ABCB5: variants seen among roughly 807,000 people sequenced by gnomAD.
ABCB5 encodes the protein ATP binding cassette subfamily B member 5.
A neutral mutation model predicts 144.2 loss-of-function variants in ABCB5; 155 were observed. The ratio of observed to expected loss-of-function variants is 1.08; its 90% CI spans 0.94 to 1.23. The LOEUF is 1.23. Ranked by LOEUF, ABCB5 falls within the 50% of genes most tolerant of loss-of-function variation. The pLI, the probability that ABCB5 is intolerant of heterozygous loss-of-function variation, is 0.00. For missense variants in ABCB5, 1,830 were observed against 1,520.8 expected (o/e 1.20, Z -3.38); for synonymous variants, 610 against 528.6 (o/e 1.15, Z -2.11).
At chr7:20,681,356 A>T (rs535232181) in intron 14 of ABCB5, 149 bp from the exon 15 acceptor site, 48 of 710,240 alleles carry the variant, frequency 6.8e-5, no homozygotes, top group Admixed American at 6.2e-4. Context: ...CTAACTCGTG[A>T]CCTCAGGTGA....
At chr7:20,676,167 T>TACACACACACACAC (rs60855145) in intron 14 of ABCB5, among the ~76,000 whole-genome samples, 1 of 124,522 alleles carries the variant, frequency 8.0e-6, no homozygotes, top group Non-Finnish European at 1.7e-5. Flanking sequence ...CTACTACACA[T>TACACACACACACAC]ACACACACAC....
Position 20,699,246 on chromosome 7 carries a change from GATA to G in ABCB5, c.2155-572_2155-570del, listed in dbSNP as rs374328171. ...GGTGGTTTCTTGGGAAATATACTGT[GATA>G]ATAATAGCAGATAGATGACTCATTA... On this transcript the variant is annotated intron_variant, in intron 17 of 27. Coordinates refer to ENST00000404938, the MANE Select transcript of ABCB5 (RefSeq NM_001163941.2). 3.3e-4 allele frequency among the ~76,000 whole-genome samples: 50 copies of G among 152,176 alleles called. 1 individual carries two copies. In the East Asian group the frequency reaches 6.6e-3, roughly 20 times the overall value.
At chr7:20,653,175 C>T (rs1284105630) in intron 13 of ABCB5, among the ~76,000 whole-genome samples, 2 of 152,158 alleles carry the variant, frequency 1.3e-5, no homozygotes, top group African/African-American at 4.8e-5. Context: ...AAATCATACC[C>T]TGTAAGTTAC....
chr7:20,621,646 A>G (rs554295289), intron 1 of ABCB5, among the ~76,000 whole-genome samples: 30 of 152,138 alleles, frequency 2.0e-4, no homozygotes, highest in Non-Finnish European at 3.5e-4. Context: ...ATGATCTAAT[A>G]GGGTAACTAG....
intron 14 of ABCB5, among the ~76,000 whole-genome samples, chr7:20,664,942 A>AT (rs1394451789): frequency 6.6e-6 from 1 of 152,198 alleles, no homozygotes; most frequent in East Asian, 1.9e-4. Flanking sequence ...TAATAAAATG[A>AT]TTTTTTAAAA....
At chr7:20,695,901 A>G (rs1168874224) in intron 16 of ABCB5, among the ~76,000 whole-genome samples, 1 of 152,022 alleles carries the variant, frequency 6.6e-6, no homozygotes, top group Non-Finnish European at 1.5e-5. Context: ...GGTTAAATCT[A>G]AAGAGACTGA....
At position 20,738,987 on chromosome 7, in the gene ABCB5, T is replaced by C. The variant is rs1782475587; in HGVS notation, c.2872T>C (p.Phe958Leu). 2 of 1,594,864 alleles carry C rather than the reference T, an allele frequency of 1.3e-6. No individual in the cohort carries two copies. Among genetic ancestry groups the C allele is most frequent in the Non-Finnish European group, 1.7e-6 (2 of 1,171,640 alleles). Reference protein sequence around the residue: ...RMTPEGMFIVFTAIAYGAMAI... With the variant: ...RMTPEGMFIVLTAIAYGAMAI... ...AAATGCTTTATCTTTTGATAGAGTT[T>C]TTACTGCAATTGCATATGGAGCTAT... Residue 958 changes from phenylalanine to leucine, a missense_variant, in exon 24 of 28, where the codon TTT becomes CTT. Coordinates refer to ENST00000404938, the MANE Select transcript of ABCB5 (RefSeq NM_001163941.2).
chr7:20,640,213 T>C (rs193106033), intron 5 of ABCB5, among the ~76,000 whole-genome samples: 17 of 152,328 alleles, frequency 1.1e-4, no homozygotes, highest in Admixed American at 5.9e-4. Flanking sequence ...TGATAGTTAA[T>C]GTTCTATTAA....
chr7:20,732,283 C>T (rs911863147), intron 23 of ABCB5, among the ~76,000 whole-genome samples: 1 of 152,218 alleles, frequency 6.6e-6, no homozygotes, highest in African/African-American at 2.4e-5. Context: ...CTCAGAGGGA[C>T]TTTCACCGAT....
In ABCB5 at chr7:20,658,620, G is replaced by GCTA. The variant is rs1213712887; in HGVS notation, c.1653_1655dup (p.Thr552dup). On this transcript the variant is annotated inframe_insertion, in exon 14 of 28. Transcript: ENST00000404938. Reference sequence around the variant, plus strand: ...CCCCAAGATTCTGATTTTAGATGAGGCTACGTCTGCCCTGGATTCAGAAAG... The same window carrying GCTA: ...CCCCAAGATTCTGATTTTAGATGAGGCTACTACGTCTGCCCTGGATTCAGAAAG... 6.2e-7 allele frequency: 1 copy of GCTA among 1,614,012 alleles called. No homozygotes were observed. Among genetic ancestry groups the GCTA allele is most frequent in the Non-Finnish European group, 8.5e-7 (1 of 1,180,022 alleles).
chr7:20,636,541 T>G (rs889352455), intron 5 of ABCB5, among the ~76,000 whole-genome samples: 1 of 151,966 alleles, frequency 6.6e-6, no homozygotes, highest in Non-Finnish European at 1.5e-5. Context: ...TCCCAACATT[T>G]TAGGAGGCTG....
At chr7:20,696,225 T>C (rs1412622581) in intron 16 of ABCB5, among the ~76,000 whole-genome samples, 1 of 152,226 alleles carries the variant, frequency 6.6e-6, no homozygotes, top group African/African-American at 2.4e-5. Context: ...TGAAATGCTA[T>C]GCAGCAATAA....
At position 20,645,807 on chromosome 7, in the gene ABCB5, G is replaced by T. The variant is rs1284482457; in HGVS notation, c.730G>T (p.Ala244Ser). ...KELSAYSKAG[A>S]VAEEVLSSIR... ...ATTAAGTGCCTATTCCAAAGCTGGGGCTGTGGCAGAAGAAGTCTTGTCATC... is the reference window on the plus strand; with the variant it reads ...ATTAAGTGCCTATTCCAAAGCTGGGTCTGTGGCAGAAGAAGTCTTGTCATC... The change falls in exon 8 of 28, where the codon GCT becomes TCT. Residue 244 changes from alanine to serine, a missense_variant. By Grantham distance (99) the Ala-to-Ser change is moderately conservative (BLOSUM62 1). Coordinates refer to ENST00000404938, the MANE Select transcript of ABCB5 (RefSeq NM_001163941.2). The T allele has an allele frequency of 6.2e-7, 1 of 1,613,724 alleles. No individual in the cohort carries two copies.
rs1040435281 is a variant in ABCB5 at position 20,709,761 on chromosome 7, A to G, written c.2421+4954A>G. Among the ~76,000 whole-genome samples, 4 of 149,804 alleles carry G rather than the reference A, an allele frequency of 2.7e-5. 1 individual carries two copies. The highest frequency in any genetic ancestry group is 5.9e-5 in the Non-Finnish European group (4 of 67,322). ...ACTATAACCTAAGACAGCCTAAACAATAGGTAAACATGACAGTCAGCCAGT... is the reference window on the plus strand; with the variant it reads ...ACTATAACCTAAGACAGCCTAAACAGTAGGTAAACATGACAGTCAGCCAGT... On this transcript the variant is annotated intron_variant, in intron 20 of 27. Transcript: ENST00000404938.
chr7:20,698,243 T>C (rs142149770), intron 16 of ABCB5, among the ~76,000 whole-genome samples, 164 bp from the exon 17 acceptor site: 27 of 152,326 alleles, frequency 1.8e-4, no homozygotes, highest in African/African-American at 5.3e-4. Context: ...TTTAGGGTCA[T>C]CGTTAATAAT....
At chr7:20,709,587 G>A (rs1786943270) in intron 20 of ABCB5, among the ~76,000 whole-genome samples, 2 of 149,782 alleles carry the variant, frequency 1.3e-5, no homozygotes, top group Admixed American at 6.7e-5. Flanking sequence ...GTATGCAATG[G>A]TATTTTTAAA....
intron 26 of ABCB5, among the ~76,000 whole-genome samples, chr7:20,751,567 G>A (rs4721946): frequency 0.37 from 56,196 of 152,110 alleles, 10,770 homozygotes; most frequent in African/African-American, 0.46. Flanking sequence ...GAAGGCCAAA[G>A]ACTGCAAAGT....
rs761412272 is a variant in ABCB5, at chr7:20,643,169, A to G, written c.315-15A>G. 8 of 1,592,198 alleles carry G rather than the reference A, an allele frequency of 5.0e-6. No individual in the cohort carries two copies. The highest frequency in any genetic ancestry group is 1.3e-5 in the African/African-American group (1 of 74,610). On this transcript the variant is annotated splice_polypyrimidine_tract_variant and intron_variant, in intron 5 of 27. Transcript: ENST00000404938. ...TGTTGTGCTTCAGTCTCACATTCTA[A>G]TACTCTTTCTTCAGGTTGACCCTGT... is the stretch of plus-strand genomic sequence containing the variant.
At chr7:20,718,584 A>G (rs991774428) in intron 20 of ABCB5, among the ~76,000 whole-genome samples, 2 of 152,184 alleles carry the variant, frequency 1.3e-5, no homozygotes, top group African/African-American at 4.8e-5. Flanking sequence ...TGAAACCACA[A>G]AGTTTTTTAG....
Sources: gnomAD v4.1 joint callset for allele counts (sites outside exome capture counted in the v4.1 genomes callset) on GRCh38, gnomAD v4.1.1 for gene constraint, MANE v1.5 for transcripts, NCBI Gene and HGNC (gene_info 2026-07-23, HGNC 2026-07-21) for gene names.